Variants in LOC122539214 observed in about 807,000 individuals in gnomAD.
chr19:52,659,461 G>A, the LOC122539214 span, among the ~76,000 whole-genome samples: 1 of 152,092 alleles, frequency 6.6e-6, no homozygotes, highest in Non-Finnish European at 1.5e-5. Context: ...TAAGGCTACT[G>A]GTCGGAAACA....
chr19:52,661,133 G>T, the LOC122539214 span, among the ~76,000 whole-genome samples: 5 of 152,176 alleles, frequency 3.3e-5, no homozygotes, highest in South Asian at 1.0e-3. Context: ...AAAGAGCTAT[G>T]ATTACAGGGG....
At chr19:52,685,897 C>CAAAAAAAAAAAAAAAAAAAAAAAAA in the LOC122539214 span, among the ~76,000 whole-genome samples, 1 of 132,442 alleles carries the variant, frequency 7.6e-6, no homozygotes, top group Admixed American at 8.4e-5. Context: ...GTAACTGTCA[C>CAAAAAAAAAAAAAAAAAAAAAAAAA]AAAAAAAAAA....
chr19:52,657,796 G>A, the LOC122539214 span, among the ~76,000 whole-genome samples: 2 of 151,414 alleles, frequency 1.3e-5, no homozygotes, highest in Non-Finnish European at 2.9e-5. Flanking sequence ...GCAGTGAGCC[G>A]AGATTGCATC....
chr19:52,687,553 TGTA>T, the LOC122539214 span, among the ~76,000 whole-genome samples: 49 of 67,494 alleles, frequency 7.3e-4, no homozygotes, highest in African/African-American at 2.6e-3. Flanking sequence ...AAATTATATG[TGTA>T]AATTTTATAT....
At chr19:52,680,699 G>T in the LOC122539214 span, among the ~76,000 whole-genome samples, 6 of 127,966 alleles carry the variant, frequency 4.7e-5, no homozygotes, top group Admixed American at 8.8e-5. Flanking sequence ...TGCAAGCTCC[G>T]CCTCCCGGGT....
At chr19:52,671,466 C>T in the LOC122539214 span, among the ~76,000 whole-genome samples, 4 of 151,336 alleles carry the variant, frequency 2.6e-5, no homozygotes, top group Admixed American at 1.3e-4. Context: ...TTCCTTCAGA[C>T]AGGACCTAGT....
chr19:52,655,718 T>C, the LOC122539214 span: 1 of 865,232 alleles, frequency 1.2e-6, no homozygotes, highest in Admixed American at 2.1e-5. Context: ...CAACAAAACA[T>C]TAGGGAGGAG....
the LOC122539214 span, among the ~76,000 whole-genome samples, chr19:52,688,963 A>T: frequency 6.6e-6 from 1 of 151,920 alleles, no homozygotes; most frequent in South Asian, 2.1e-4. Context: ...AAAAAAAAAA[A>T]AAAAAAAAAG....
chr19:52,665,143 G>A, the LOC122539214 span, among the ~76,000 whole-genome samples: 1 of 152,138 alleles, frequency 6.6e-6, no homozygotes, highest in Admixed American at 6.5e-5. Context: ...TTCATTCACT[G>A]GGGTGGGAGA....
At chr19:52,677,124 TA>T in the LOC122539214 span, among the ~76,000 whole-genome samples, 5 of 135,548 alleles carry the variant, frequency 3.7e-5, no homozygotes, top group South Asian at 2.3e-4. Flanking sequence ...AATGATCAAT[TA>T]AAAAAAAAAA....
the LOC122539214 span, among the ~76,000 whole-genome samples, chr19:52,681,280 CAAA>C: frequency 0.21 from 15,820 of 75,112 alleles, 1,096 homozygotes; most frequent in African/African-American, 0.28. Context: ...GAGACTTTCT[CAAA>C]AAAAAAAAAA....
At chr19:52,689,598 A>G in the LOC122539214 span, among the ~76,000 whole-genome samples, 2 of 151,936 alleles carry the variant, frequency 1.3e-5, no homozygotes, top group East Asian at 1.9e-4. Context: ...GCTTTTCTCT[A>G]CATTTCTGCA....
chr19:52,664,347 T>C, the LOC122539214 span, among the ~76,000 whole-genome samples: 3 of 151,918 alleles, frequency 2.0e-5, no homozygotes, highest in Non-Finnish European at 4.4e-5. Flanking sequence ...AACACAAAAA[T>C]TTGCCCTATG....
the LOC122539214 span, among the ~76,000 whole-genome samples, chr19:52,677,136 GAAAAA>G: frequency 7.0e-6 from 1 of 143,626 alleles, no homozygotes; most frequent in Non-Finnish European, 1.5e-5. Context: ...AAAAAAAAAA[GAAAAA>G]AAGAAAAAAA....
the LOC122539214 span, among the ~76,000 whole-genome samples, chr19:52,683,589 G>T: frequency 0.013 from 1,933 of 151,366 alleles, 35 homozygotes; most frequent in African/African-American, 0.04. Context: ...GAGCATGGAA[G>T]ACCTGGGAGC....
chr19:52,657,649 A>T, the LOC122539214 span, among the ~76,000 whole-genome samples: 1 of 152,208 alleles, frequency 6.6e-6, no homozygotes, highest in African/African-American at 2.4e-5. Flanking sequence ...GGAATTCGCG[A>T]CCAGCCTGAC....
chr19:52,651,134 C>G, the LOC122539214 span: 1 of 152,172 alleles, frequency 6.6e-6, no homozygotes, highest in African/African-American at 2.4e-5. Flanking sequence ...GATCTTCAAG[C>G]CATTAATCAA....
chr19:52,681,280 CAAAAAAAAAA>C, the LOC122539214 span, among the ~76,000 whole-genome samples: 7 of 75,440 alleles, frequency 9.3e-5, no homozygotes, highest in African/African-American at 2.8e-4. Flanking sequence ...GAGACTTTCT[CAAAAAAAAAA>C]AAAAAAAAAA....
the LOC122539214 span, among the ~76,000 whole-genome samples, chr19:52,667,937 T>A: frequency 6.6e-6 from 1 of 152,176 alleles, no homozygotes; most frequent in African/African-American, 2.4e-5. Context: ...AAAATGGTAT[T>A]TGGCTTTCTT....
Sources: gnomAD v4.1 joint callset for allele counts (sites outside exome capture counted in the v4.1 genomes callset) on GRCh38, gnomAD v4.1.1 for gene constraint, MANE v1.5 for transcripts.